MCU: variants seen among roughly 807,000 people sequenced by gnomAD.
MCU encodes the protein calcium uniporter protein, mitochondrial.
In MCU, 12 loss-of-function variants were observed where a neutral mutation model predicts 45.2. That is an observed-to-expected ratio of 0.27 (90% CI 0.17 to 0.43). The LOEUF (loss-of-function observed/expected upper bound fraction) is 0.43, where lower values mean the gene tolerates loss of function less well. Among genes scored for constraint, MCU ranks in the 20% least tolerant of loss-of-function variants. The pLI, the probability that MCU is intolerant of heterozygous loss-of-function variation, is 1.00. For missense variants in MCU, 324 were observed against 436.7 expected (o/e 0.74, Z 2.30); for synonymous variants, 160 against 165.1 (o/e 0.97, Z 0.24).
rs2132637122 is a variant in MCU, at chr10:72,692,239, A to G, written c.88A>G (p.Thr30Ala). ...GGGCGCCGGCGGCTGCGGGGCGCTG[A>G]CTGCCGGCTGCTTCCCTGGGCTGGG... ...GGGAGGCGAL[T>A]AGCFPGLGVS... is the part of the protein sequence containing the mutation. Residue 30 changes from threonine (T) to alanine (A), a missense_variant, in exon 1 of 8, where the codon ACT becomes GCT. Physicochemically the swap from Thr to Ala is moderately conservative, Grantham distance 58. Coordinates refer to ENST00000373053, the MANE Select transcript of MCU (RefSeq NM_138357.3). 1 of 1,239,894 alleles carries G rather than the reference A, an allele frequency of 8.1e-7. No individual in the cohort carries two copies. The allele number at this position is 1,239,894 out of a possible 1,614,324, so 76.8% of individuals were successfully genotyped here. A position where few individuals can be genotyped will look rare whatever the true frequency, so the allele number is the denominator to read the frequency against.
At chr10:72,760,531 T>C (rs1164181438) in intron 1 of MCU, 1 of 151,780 alleles carries the variant, frequency 6.6e-6, no homozygotes, top group Non-Finnish European at 1.5e-5. Flanking sequence ...ATAAATGTTT[T>C]GGTTTTCTTT....
intron 1 of MCU, among the ~76,000 whole-genome samples, chr10:72,823,823 G>T (rs1474932048): frequency 6.6e-6 from 1 of 152,158 alleles, no homozygotes; most frequent in East Asian, 1.9e-4. Context: ...ACTTTGGGAG[G>T]CCGAGTTGGG....
intron 1 of MCU, among the ~76,000 whole-genome samples, chr10:72,697,939 A>G (rs369356193): frequency 1.9e-4 from 26 of 133,404 alleles, no homozygotes; most frequent in East Asian, 1.2e-3. Flanking sequence ...TGCCTAGCTC[A>G]TAAAAAGAAT....
intron 1 of MCU, among the ~76,000 whole-genome samples, chr10:72,726,004 C>T (rs987850277): frequency 6.6e-6 from 1 of 152,170 alleles, no homozygotes; most frequent in African/African-American, 2.4e-5. Flanking sequence ...TCCAAGATAA[C>T]CATGTCGTAT....
intron 1 of MCU, among the ~76,000 whole-genome samples, chr10:72,787,349 A>G (rs1386138710): frequency 2.0e-5 from 3 of 152,164 alleles, no homozygotes; most frequent in South Asian, 4.2e-4. Context: ...GCTCACTGCA[A>G]CCTCCGCCTC....
chr10:72,802,405 TC>T (rs1844356621), intron 1 of MCU, among the ~76,000 whole-genome samples: 1 of 148,444 alleles, frequency 6.7e-6, no homozygotes. Context: ...GTTTGAGCTT[TC>T]TTTAAAAAAA....
intron 1 of MCU, among the ~76,000 whole-genome samples, chr10:72,797,636 G>C (rs1030027144): frequency 2.0e-5 from 3 of 148,756 alleles, no homozygotes; most frequent in South Asian, 2.1e-4. Flanking sequence ...CTGGGTTCAA[G>C]CAATTCTCCT....
At chr10:72,739,384 C>A (rs576544424) in intron 1 of MCU, among the ~76,000 whole-genome samples, 1 of 152,212 alleles carries the variant, frequency 6.6e-6, no homozygotes, top group African/African-American at 2.4e-5. Flanking sequence ...TTTTAAAAAT[C>A]CTGTATTGGG....
intron 1 of MCU, among the ~76,000 whole-genome samples, chr10:72,824,491 G>A (rs1417979440): frequency 1.3e-5 from 2 of 151,850 alleles, no homozygotes; most frequent in African/African-American, 2.4e-5. Context: ...TTACAGGCGT[G>A]AGGCACCGCG....
At chr10:72,789,471 A>T (rs1844125414) in intron 1 of MCU, among the ~76,000 whole-genome samples, 1 of 152,188 alleles carries the variant, frequency 6.6e-6, no homozygotes, top group African/African-American at 2.4e-5. Context: ...ATAAGAATTT[A>T]TAATGCTAGC....
At chr10:72,868,983 GT>G in intron 5 of MCU, 120 bp downstream of exon 5, 1 of 1,061,510 alleles carries the variant, frequency 9.4e-7, no homozygotes, top group Non-Finnish European at 1.3e-6. Flanking sequence ...TAGTTCTTTA[GT>G]TTATGGGACT....
intron 6 of MCU, among the ~76,000 whole-genome samples, chr10:72,872,825 G>GT (rs1472043835): frequency 2.0e-5 from 3 of 151,710 alleles, no homozygotes; most frequent in Non-Finnish European, 2.9e-5. Flanking sequence ...TCTATTTTTC[G>GT]TTTTTTTGAG....
chr10:72,804,327 G>A (rs1367633819), intron 1 of MCU, among the ~76,000 whole-genome samples: 6 of 151,576 alleles, frequency 4.0e-5, no homozygotes, highest in Non-Finnish European at 8.8e-5. Context: ...AACCTCAGGT[G>A]ATCTGCCCGC....
chr10:72,828,510 C>G (rs921950331), intron 1 of MCU, among the ~76,000 whole-genome samples: 1 of 152,018 alleles, frequency 6.6e-6, no homozygotes, highest in Non-Finnish European at 1.5e-5. Context: ...CTCAGCATTC[C>G]CCTTCCTTTA....
At position 72,871,324 on chromosome 10, in the gene MCU, C is replaced by CT. The variant is rs1156288545; in HGVS notation, c.658-48dup. On this transcript the variant is annotated intron_variant, in intron 5 of 7. Coordinates refer to ENST00000373053, the MANE Select transcript of MCU (RefSeq NM_138357.3). ...TTAGTGAACATAGAACAGTTTAAGC[C>CT]TTTTTAGATTGGTTTTATGTCAAAA... 96 of 1,550,092 alleles carry CT rather than the reference C, an allele frequency of 6.2e-5. No individual in the cohort carries two copies. The Admixed American group carries it at 1.6e-3, about 26-fold the overall frequency.
chr10:72,773,646 A>G (rs1205444272), intron 1 of MCU, among the ~76,000 whole-genome samples: 1 of 152,206 alleles, frequency 6.6e-6, no homozygotes, highest in Non-Finnish European at 1.5e-5. Flanking sequence ...TGTGCCAAAC[A>G]GATTAAACCC....
At chr10:72,714,345 C>CTTTTTTTTTGTTTTTTTTTTT (rs1842932060) in intron 1 of MCU, among the ~76,000 whole-genome samples, 1 of 54,768 alleles carries the variant, frequency 1.8e-5, no homozygotes, top group African/African-American at 6.4e-5. Flanking sequence ...CCGCCCTGGT[C>CTTTTTTTTTGTTTTTTTTTTT]TTTTTTTTTT....
chr10:72,767,076 G>T (rs985208333), intron 1 of MCU: 3 of 152,090 alleles, frequency 2.0e-5, no homozygotes, highest in Non-Finnish European at 2.9e-5. Context: ...GCTTTGCAAA[G>T]TTACCTGTCT....
At chr10:72,813,539 A>G (rs549567212) in intron 1 of MCU, among the ~76,000 whole-genome samples, 1 of 142,774 alleles carries the variant, frequency 7.0e-6, no homozygotes, top group Admixed American at 7.5e-5. Flanking sequence ...TCTCACTGCA[A>G]CTTCCGCCTC....
Sources: gnomAD v4.1 joint callset for allele counts (sites outside exome capture counted in the v4.1 genomes callset) on GRCh38, gnomAD v4.1.1 for gene constraint, MANE v1.5 for transcripts, NCBI Gene and HGNC (gene_info 2026-07-23, HGNC 2026-07-21) for gene names.